PDSS2: variants seen among roughly 807,000 people sequenced by gnomAD.
PDSS2 encodes the protein all trans-polyprenyl-diphosphate synthase PDSS2.
Under a neutral mutation model 44.5 loss-of-function variants are expected in PDSS2, and 31 were observed. The ratio of observed to expected loss-of-function variants is 0.70; its 90% CI spans 0.52 to 0.94. The LOEUF is 0.94. PDSS2 is among the 40% of genes least tolerant of loss of function. The probability of loss-of-function intolerance (pLI) is 0.00; values close to 1 mark genes in which losing one functional copy is unlikely to be tolerated. For missense variants in PDSS2, 452 were observed against 482.2 expected (o/e 0.94, Z 0.59); for synonymous variants, 157 against 180.3 (o/e 0.87, Z 1.03).
chr6:107,390,740 T>C (rs1439718112), intron 1 of PDSS2, among the ~76,000 whole-genome samples: 3 of 152,246 alleles, frequency 2.0e-5, no homozygotes, highest in Non-Finnish European at 2.9e-5. Flanking sequence ...AACTTTTCCA[T>C]AAATCTAACA....
At chr6:107,425,624 A>C (rs1780974553) in intron 1 of PDSS2, among the ~76,000 whole-genome samples, 1 of 152,224 alleles carries the variant, frequency 6.6e-6, no homozygotes, top group Non-Finnish European at 1.5e-5. Context: ...CAGTTTTAAA[A>C]GGGAAACTGG....
At chr6:107,173,385 C>T (rs1420945097) in intron 7 of PDSS2, among the ~76,000 whole-genome samples, 1 of 151,454 alleles carries the variant, frequency 6.6e-6, no homozygotes, top group East Asian at 1.9e-4. Flanking sequence ...ACCATCCTCG[C>T]CAACATGGTG....
At chr6:107,323,935 C>CAGCTG (rs1465482806) in intron 2 of PDSS2, among the ~76,000 whole-genome samples, 1 of 152,144 alleles carries the variant, frequency 6.6e-6, no homozygotes, top group East Asian at 1.9e-4. Flanking sequence ...TAAACTAACT[C>CAGCTG]AGCTGAGTAG....
At chr6:107,391,864 A>G (rs1779794500) in intron 1 of PDSS2, among the ~76,000 whole-genome samples, 1 of 145,222 alleles carries the variant, frequency 6.9e-6, no homozygotes, top group African/African-American at 2.5e-5. Flanking sequence ...ATTTTTTTTT[A>G]AGACTCAAGC....
At chr6:107,245,703 G>T in intron 3 of PDSS2, 84 bp from the exon 4 acceptor site, 1 of 857,840 alleles carries the variant, frequency 1.2e-6, no homozygotes, top group Non-Finnish European at 1.8e-6. Flanking sequence ...AGGCTCAGTG[G>T]CAAGGCAGAA....
chr6:107,444,214 A>G (rs1345500360), intron 1 of PDSS2, among the ~76,000 whole-genome samples: 24 of 151,880 alleles, frequency 1.6e-4, no homozygotes, highest in Admixed American at 1.6e-3. Flanking sequence ...TTTTTTTTAT[A>G]TAGATGGGAT....
At chr6:107,418,582 G>A (rs768362819) in intron 1 of PDSS2, among the ~76,000 whole-genome samples, 1 of 152,036 alleles carries the variant, frequency 6.6e-6, no homozygotes, top group Non-Finnish European at 1.5e-5. Flanking sequence ...GACCATCCTG[G>A]GAAACATGAT....
chr6:107,185,551 A>G (rs980708425), intron 7 of PDSS2, among the ~76,000 whole-genome samples: 1 of 152,246 alleles, frequency 6.6e-6, no homozygotes, highest in African/African-American at 2.4e-5. Context: ...TTTTAGCAGC[A>G]TGCTTATTTC....
At chr6:107,271,097 C>T (rs556537056) in intron 3 of PDSS2, among the ~76,000 whole-genome samples, 1 of 152,316 alleles carries the variant, frequency 6.6e-6, no homozygotes, top group South Asian at 2.1e-4. Flanking sequence ...CCTTCTGCAA[C>T]TGCATAAAGT....
intron 4 of PDSS2, among the ~76,000 whole-genome samples, chr6:107,244,675 T>C (rs1308974129): frequency 6.6e-6 from 1 of 152,250 alleles, no homozygotes; most frequent in Non-Finnish European, 1.5e-5. Flanking sequence ...TTTAAATTTC[T>C]TATCCAAGTT....
At chr6:107,390,417 A>G (rs1175453798) in intron 1 of PDSS2, among the ~76,000 whole-genome samples, 1 of 152,172 alleles carries the variant, frequency 6.6e-6, no homozygotes, top group East Asian at 1.9e-4. Context: ...TCCACAAAAT[A>G]GTTGACCAAT....
At chr6:107,348,012 C>T (rs1263447441) in intron 1 of PDSS2, among the ~76,000 whole-genome samples, 1 of 152,060 alleles carries the variant, frequency 6.6e-6, no homozygotes, top group Non-Finnish European at 1.5e-5. Flanking sequence ...CAGGCATGAG[C>T]TGAAAATGAT....
intron 1 of PDSS2, among the ~76,000 whole-genome samples, chr6:107,449,467 G>A (rs1483839124): frequency 1.3e-5 from 2 of 152,016 alleles, no homozygotes; most frequent in African/African-American, 4.8e-5. Flanking sequence ...AGTCCCTGGA[G>A]ACCACCTTTC....
At chr6:107,394,774 T>G (rs1779888910) in intron 1 of PDSS2, among the ~76,000 whole-genome samples, 1 of 152,178 alleles carries the variant, frequency 6.6e-6, no homozygotes, top group African/African-American at 2.4e-5. Context: ...CTACCTCATA[T>G]GTTATATGTC....
chr6:107,394,770 CAT>C (rs1234673655), intron 1 of PDSS2, among the ~76,000 whole-genome samples: 1 of 152,184 alleles, frequency 6.6e-6, no homozygotes, highest in African/African-American at 2.4e-5. Flanking sequence ...TTTACTACCT[CAT>C]ATGTTATATG....
intron 1 of PDSS2, 54 bp downstream of exon 1, chr6:107,458,935 GA>G: frequency 2.1e-5 from 32 of 1,549,388 alleles, no homozygotes; most frequent in South Asian, 3.4e-5. Context: ...ATGCCCGCCA[GA>G]AAAAAAAGTA....
chr6:107,349,751 A>AAAACAAACAAAC (rs34141361), intron 1 of PDSS2, among the ~76,000 whole-genome samples: 10 of 151,504 alleles, frequency 6.6e-5, no homozygotes, highest in Non-Finnish European at 5.9e-5. Context: ...CTCAGCCTCA[A>AAAACAAACAAAC]AAACAAACAA....
At chr6:107,296,313 C>T (rs1326704429) in intron 2 of PDSS2, among the ~76,000 whole-genome samples, 7 of 152,134 alleles carry the variant, frequency 4.6e-5, no homozygotes, top group African/African-American at 9.7e-5. Context: ...GCATTACGTA[C>T]TAAGGGAGTA....
At chr6:107,450,589 C>T (rs961336440) in intron 1 of PDSS2, among the ~76,000 whole-genome samples, 1 of 152,146 alleles carries the variant, frequency 6.6e-6, no homozygotes, top group Admixed American at 6.5e-5. Flanking sequence ...AACACACAGC[C>T]CTATCCAAGC....
Sources: gnomAD v4.1 joint callset for allele counts (sites outside exome capture counted in the v4.1 genomes callset) on GRCh38, gnomAD v4.1.1 for gene constraint, MANE v1.5 for transcripts, NCBI Gene and HGNC (gene_info 2026-07-23, HGNC 2026-07-21) for gene names.